ZNF207: variants seen among roughly 807,000 people sequenced by gnomAD.
ZNF207 encodes BUB3-interacting and GLEBS motif-containing protein ZNF207.
ZNF207 carries 24 observed loss-of-function variants against 60.2 expected under a neutral mutation model. The ratio of observed to expected loss-of-function variants is 0.40; its 90% CI spans 0.29 to 0.56. The LOEUF is 0.56. ZNF207 is among the 20% of genes least tolerant of loss of function. The pLI is 0.49. For missense variants in ZNF207, 452 were observed against 636.6 expected, an observed-to-expected ratio of 0.71 and a Z score of 3.12; for synonymous variants, 236 against 194.7, an observed-to-expected ratio of 1.21 and a Z score of -1.77.
Position 32,361,662 on chromosome 17 carries a change from T to C in ZNF207, c.599+147T>C, listed in dbSNP as rs568127859. On this transcript the variant is annotated intron_variant, in intron 6 of 11. Transcript: ENST00000394670. Reference sequence around the variant, plus strand: ...TTGCAAGCTAATTAACACAGGTCTCTTAAAGAAGGAAAATAAAACATCTTT... The same window carrying C: ...TTGCAAGCTAATTAACACAGGTCTCCTAAAGAAGGAAAATAAAACATCTTT... The C allele has an allele frequency of 3.5e-5, 21 of 608,650 alleles. No individual in the cohort carries two copies. The South Asian group carries it at 7.3e-4, about 21-fold the overall frequency. 37.7% of individuals were successfully genotyped at this position (608,650 alleles called of 1,614,324 possible). A position where few individuals can be genotyped will look rare whatever the true frequency, so the allele number is the denominator to read the frequency against.
At chr17:32,365,523 T>C (rs1905119123) in intron 8 of ZNF207, 36 bp downstream of exon 8, 1 of 1,605,272 alleles carries the variant, frequency 6.2e-7, no homozygotes, top group Admixed American at 1.7e-5. Flanking sequence ...TGCACTTATA[T>C]TTAAAGATAA....
rs1044784363 is a variant in ZNF207, at chr17:32,350,355, C to T, written c.41+29C>T. The stretch of plus-strand genomic sequence containing the variant: ...TCCTTTGTCGGTTTGAAGTCGAGGT[C>T]GCGTTGGGGTGCCGGTTGTTGGGGC... On this transcript the variant is annotated intron_variant, in intron 1 of 11. Transcript: ENST00000394670. 6 of 1,613,634 alleles carry T rather than the reference C, an allele frequency of 3.7e-6. No homozygotes were observed. In the African/African-American group the frequency reaches 8.0e-5, roughly 22 times the overall value.
At position 32,376,738 on chromosome 17, in the gene ZNF207, T is replaced by A. The variant is rs1397519212; in HGVS notation, c.*6979T>A. On this transcript the variant is annotated 3_prime_UTR_variant, in exon 12 of 12. Transcript: ENST00000394670. ...TCTTTAAGAGGCATACAATCCGTTA[T>A]GAGAATGTTTATGTTTATGTTTTAA... 1 of 152,122 alleles carries A rather than the reference T, an allele frequency of 6.6e-6. No individual in the cohort carries two copies. The highest frequency in any genetic ancestry group is 1.5e-5 in the Non-Finnish European group (1 of 67,942). The allele number at this position is 152,122 out of a possible 1,614,324, so 9.4% of individuals were successfully genotyped here.
At chr17:32,363,820 T>C (rs1300731939) in intron 7 of ZNF207, among the ~76,000 whole-genome samples, 2 of 151,716 alleles carry the variant, frequency 1.3e-5, no homozygotes, top group African/African-American at 2.4e-5. Flanking sequence ...CGTGAGCCAC[T>C]GTGCCCAGCC....
chr17:32,357,662 AT>A (rs1014364615), intron 2 of ZNF207, among the ~76,000 whole-genome samples: 13 of 149,624 alleles, frequency 8.7e-5, no homozygotes, highest in Non-Finnish European at 1.3e-4. Context: ...TTTTTTATTT[AT>A]TTTTTTTGGA....
intron 10 of ZNF207, 89 bp downstream of exon 10, chr17:32,368,103 C>A: frequency 1.3e-6 from 2 of 1,543,636 alleles, no homozygotes; most frequent in Admixed American, 1.8e-5. Flanking sequence ...CATTTGTACT[C>A]AGATGGTCTG....
Position 32,365,422 on chromosome 17 carries a change from C to T in ZNF207, c.763C>T (p.Pro255Ser), listed in dbSNP as rs149141945. ...APGILNRPPAPTATVPAPQPP... is the reference protein window; with the variant it reads ...APGILNRPPASTATVPAPQPP... ...AGGTATTCTTAATAGACCACCTGCA[C>T]CAACAGCAACTGTACCTGCCCCACA... Residue 255 changes from proline to serine, a missense_variant, in exon 8 of 12, where the codon CCA (proline) becomes TCA (serine). Physicochemically the swap from Pro to Ser is moderately conservative, Grantham distance 74 (BLOSUM62 -1). This residue lies in a region of ZNF207 where 390 missense variants were observed against 461.4 expected (regional missense o/e 0.85). Coordinates refer to ENST00000394670, the MANE Select transcript of ZNF207 (RefSeq NM_001098507.2). 3.1e-6 allele frequency: 5 copies of T among 1,614,012 alleles called. No individual in the cohort carries two copies. The African/African-American group carries it at 5.3e-5, about 17-fold the overall frequency.
At chr17:32,350,695 ATTAC>A (rs1193098201) in intron 1 of ZNF207, among the ~76,000 whole-genome samples, 3 of 152,050 alleles carry the variant, frequency 2.0e-5, no homozygotes, top group Non-Finnish European at 4.4e-5. Context: ...CGATAGGCTT[ATTAC>A]TTTCATGGAG....
chr17:32,360,417 T>G, intron 3 of ZNF207, among the ~76,000 whole-genome samples, 181 bp from the exon 4 acceptor site: 1 of 152,150 alleles, frequency 6.6e-6, no homozygotes, highest in East Asian at 1.9e-4. Context: ...GAAAGAACGT[T>G]AATCTTGTTT....
At chr17:32,353,081 A>G (rs887693062) in intron 2 of ZNF207, among the ~76,000 whole-genome samples, 5 of 152,124 alleles carry the variant, frequency 3.3e-5, no homozygotes, top group African/African-American at 1.2e-4. Context: ...GGCTGAGGCA[A>G]GAGAATCATT....
At chr17:32,367,259 A>ATGTATATATATG (rs1567824866) in intron 9 of ZNF207, among the ~76,000 whole-genome samples, 2 of 109,904 alleles carry the variant, frequency 1.8e-5, no homozygotes, top group Non-Finnish European at 3.7e-5. Context: ...ATATATATAT[A>ATGTATATATATG]TATATATATA....
rs1905568318 is a variant in ZNF207 at position 32,373,906 on chromosome 17, TC to T, written c.*4148del. On this transcript the variant is annotated 3_prime_UTR_variant, in exon 12 of 12. Coordinates refer to ENST00000394670, the MANE Select transcript of ZNF207 (RefSeq NM_001098507.2). ...CCACTGGATACTGAAATGTGCCTTC[TC>T]TTTTTTGAGACGGAGTTTCACTCTT... The T allele has an allele frequency of 6.6e-6, 1 of 152,406 alleles. No individual in the cohort carries two copies. Among genetic ancestry groups the T allele is most frequent in the Admixed American group, 6.5e-5 (1 of 15,290 alleles). 9.4% of individuals were successfully genotyped at this position (152,406 alleles called of 1,614,324 possible). A position where few individuals can be genotyped will look rare whatever the true frequency, so the allele number is the denominator to read the frequency against.
At chr17:32,359,097 C>T (rs953095247) in intron 3 of ZNF207, among the ~76,000 whole-genome samples, 15 of 151,252 alleles carry the variant, frequency 9.9e-5, no homozygotes, top group Non-Finnish European at 1.0e-4. Context: ...GCCACCACAC[C>T]CAGCTGATTT....
chr17:32,363,296 C>G (rs967234062), intron 7 of ZNF207, among the ~76,000 whole-genome samples: 3 of 151,804 alleles, frequency 2.0e-5, no homozygotes, highest in Admixed American at 6.6e-5. Context: ...CCATGTTGAC[C>G]AGGTTGGTCT....
Position 32,372,271 on chromosome 17 carries a change from G to A in ZNF207, c.*2512G>A, listed in dbSNP as rs1274691100. 2 of 151,980 alleles carry A rather than the reference G, an allele frequency of 1.3e-5. No individual in the cohort carries two copies. Among genetic ancestry groups the A allele is most frequent in the Non-Finnish European group, 2.9e-5 (2 of 67,990 alleles). 9.4% of individuals were successfully genotyped at this position (151,980 alleles called of 1,614,324 possible). On this transcript the variant is annotated 3_prime_UTR_variant, in exon 12 of 12. Coordinates refer to ENST00000394670, the MANE Select transcript of ZNF207 (RefSeq NM_001098507.2). ...GCGGAGATCACACCACTGCACTCTAGCCTGGACGACAGATTGAGACTCCGT... is the reference window on the plus strand; with the variant it reads ...GCGGAGATCACACCACTGCACTCTAACCTGGACGACAGATTGAGACTCCGT...
intron 9 of ZNF207, among the ~76,000 whole-genome samples, chr17:32,367,269 A>ATG (rs1199032458): frequency 0.16 from 17,985 of 109,968 alleles, 2,619 homozygotes; most frequent in Non-Finnish European, 0.25. Flanking sequence ...ATATATATAT[A>ATG]TATATATATA....
At chr17:32,353,676 C>CG (rs1263752217) in intron 2 of ZNF207, among the ~76,000 whole-genome samples, 1 of 880 alleles carries the variant, frequency 1.1e-3, no homozygotes. Context: ...GCTACGGGGG[C>CG]GGGGGGAGGG....
intron 3 of ZNF207, among the ~76,000 whole-genome samples, chr17:32,358,903 C>CA (rs1904700016): frequency 1.3e-5 from 2 of 150,862 alleles, no homozygotes; most frequent in Admixed American, 1.3e-4. Context: ...AGGTTCAAGC[C>CA]ATTCTCTTGA....
rs778344625 is a variant in ZNF207, at chr17:32,369,627, G to A, written c.1353G>A (p.Met451Ile). Residue 451 changes from methionine to isoleucine, a missense_variant, in exon 12 of 12, where the codon ATG (methionine) becomes ATA (isoleucine). Met to Ile is a conservative substitution (Grantham distance 10, BLOSUM62 1). This residue lies in a region of ZNF207 where 390 missense variants were observed against 461.4 expected (regional missense o/e 0.85). Coordinates refer to ENST00000394670, the MANE Select transcript of ZNF207 (RefSeq NM_001098507.2). ...HGQYGGHHQGMPGYLPGAMPP... is the reference protein window; with the variant it reads ...HGQYGGHHQGIPGYLPGAMPP... ...AGTATGGTGGTCATCATCAAGGCATGCCAGGATACCTTCCTGGTGCTATGC... is the reference window on the plus strand; with the variant it reads ...AGTATGGTGGTCATCATCAAGGCATACCAGGATACCTTCCTGGTGCTATGC... 1 of 1,572,086 alleles carries A rather than the reference G, an allele frequency of 6.4e-7. No individual in the cohort carries two copies. Among genetic ancestry groups the A allele is most frequent in the Non-Finnish European group, 8.6e-7 (1 of 1,158,642 alleles).
Sources: gnomAD v4.1 joint callset for allele counts (sites outside exome capture counted in the v4.1 genomes callset) on GRCh38, gnomAD v4.1.1 for gene constraint, gnomAD v4.1.1 regional missense constraint, MANE v1.5 for transcripts, NCBI Gene and HGNC (gene_info 2026-07-23, HGNC 2026-07-21) for gene names.